PDXK: variants seen among roughly 807,000 people sequenced by gnomAD.
The protein encoded by PDXK is pyridoxal kinase, also known as epididymis secretory sperm binding protein Li 1a.
Under a neutral mutation model 43.2 loss-of-function variants are expected in PDXK, and 15 were observed. That is an observed-to-expected ratio of 0.35 (90% CI 0.23 to 0.53). The LOEUF is 0.53. Ranked by LOEUF, PDXK falls within the 20% of genes least tolerant of loss-of-function variation. PDXK has a pLI of 0.92. For missense variants in PDXK, 343 were observed against 417.0 expected (o/e 0.82, Z 1.54); for synonymous variants, 172 against 165.4 (o/e 1.04, Z -0.31).
intron 3 of PDXK, among the ~76,000 whole-genome samples, chr21:43,742,221 C>A (rs1214080921): frequency 6.6e-6 from 1 of 152,130 alleles, no homozygotes; most frequent in Admixed American, 6.5e-5. Flanking sequence ...ACTCTGTGGC[C>A]CAGGCTGTAG....
At position 43,723,817 on chromosome 21, in the gene PDXK, C is replaced by G. The variant is rs2083227742; in HGVS notation, c.87+4436C>G. The G allele has an allele frequency of 1.3e-5, 2 of 152,304 alleles. No individual in the cohort carries two copies. Among genetic ancestry groups the G allele is most frequent in the South Asian group, 2.1e-4 (1 of 4,838 alleles). 9.4% of individuals were successfully genotyped at this position (152,304 alleles called of 1,614,324 possible). ...GATATCCGTGTCCTTCATCTGTCAGCCTCTGGAGCCGCCGAGGCTGGGTGC... is the reference window on the plus strand; with the variant it reads ...GATATCCGTGTCCTTCATCTGTCAGGCTCTGGAGCCGCCGAGGCTGGGTGC... On this transcript the variant is annotated intron_variant, in intron 1 of 10. Coordinates refer to ENST00000291565, the MANE Select transcript of PDXK (RefSeq NM_003681.5). This position sits in a 1 kb window ranked among gnomAD's most constrained non-coding sequence, Gnocchi z 4.1.
At chr21:43,745,876 G>T in intron 4 of PDXK, 1 of 604,058 alleles carries the variant, frequency 1.7e-6, no homozygotes. Flanking sequence ...GCATGCCTGT[G>T]GTCTCAGCCA....
At chr21:43,726,222 TG>T (rs953280707) in intron 1 of PDXK, among the ~76,000 whole-genome samples, 6 of 152,012 alleles carry the variant, frequency 3.9e-5, no homozygotes, top group African/African-American at 1.4e-4. Flanking sequence ...TTGGCTGTCA[TG>T]GAGAAAAACA....
chr21:43,745,469 CA>C (rs2083622899), intron 4 of PDXK, among the ~76,000 whole-genome samples: 1 of 149,852 alleles, frequency 6.7e-6, no homozygotes, highest in Non-Finnish European at 1.5e-5. Context: ...GGGCCTAAGG[CA>C]GGGGGAGTGG....
chr21:43,733,579 C>T (rs1601794611), intron 1 of PDXK: 5 of 948,590 alleles, frequency 5.3e-6, no homozygotes, highest in Non-Finnish European at 6.4e-6. Flanking sequence ...GACTCTCACT[C>T]AGGCTTTTGA....
chr21:43,741,572 G>A lies in PDXK; in HGVS notation c.143-95G>A, dbSNP rs767876162. ...GTCCATGGGGAGGAGCCGTCCACCA[G>A]GCAGCCTCAGGGAGAGTGGGCGGGT... On this transcript the variant is annotated intron_variant, in intron 2 of 10. Transcript: ENST00000291565. 17 of 1,552,686 alleles carry A rather than the reference G, an allele frequency of 1.1e-5. 1 individual carries two copies. Among genetic ancestry groups the A allele is most frequent in the Middle Eastern group, 4.1e-4 (2 of 4,872 alleles).
Position 43,734,786 on chromosome 21 carries a change from C to G in PDXK, c.142+663C>G, listed in dbSNP as rs778131195. ...GGGGGTGGAGGTGCGTGGAGTCCCC[C>G]CTCCTCTCTGTGGTTTCTATACTGC... is the stretch of plus-strand genomic sequence containing the variant. On this transcript the variant is annotated intron_variant, in intron 2 of 10. Coordinates refer to ENST00000291565, the MANE Select transcript of PDXK (RefSeq NM_003681.5). The surrounding 1 kb of genome is among the most constrained non-coding windows in gnomAD (Gnocchi z 5.0). Among the ~76,000 whole-genome samples the G allele has an allele frequency of 6.6e-6, 1 of 152,112 alleles. No individual in the cohort carries two copies. Among genetic ancestry groups the G allele is most frequent in the Non-Finnish European group, 1.5e-5 (1 of 67,996 alleles).
rs79015423 is a variant in PDXK at position 43,759,114 on chromosome 21, C to T, written c.*3051C>T. 0.21 allele frequency: 31,609 copies of T among 152,198 alleles called. 3,636 individuals are homozygous for T. Among genetic ancestry groups the T allele is most frequent in the Non-Finnish European group, 0.26 (17,996 of 67,966 alleles). 9.4% of individuals were successfully genotyped at this position (152,198 alleles called of 1,614,324 possible). On this transcript the variant is annotated 3_prime_UTR_variant, in exon 11 of 11. Coordinates refer to ENST00000291565, the MANE Select transcript of PDXK (RefSeq NM_003681.5). ...GAGTTGCCTGCACCAGGTAAGAGGC[C>T]AAAGCCCCTGGGGTAACAGTCCCCA...
At chr21:43,750,302 C>T (rs1391309304) in intron 6 of PDXK, among the ~76,000 whole-genome samples, 198 bp from the exon 7 acceptor site, 1 of 152,270 alleles carries the variant, frequency 6.6e-6, no homozygotes, top group Non-Finnish European at 1.5e-5. Context: ...TACGTGACTC[C>T]TGTAATGTGA....
chr21:43,734,241 G>A lies in PDXK; in HGVS notation c.142+118G>A. On this transcript the variant is annotated intron_variant, in intron 2 of 10. Transcript: ENST00000291565. The surrounding 1 kb of genome is among the most constrained non-coding windows in gnomAD (Gnocchi z 5.0). ...GTGTGAGGGACGGGGCTTTCGTGTG[G>A]ACGGGGACCTGGAGTCCTGGGCGTC... The A allele has an allele frequency of 1.1e-6, 1 of 948,176 alleles. No individual in the cohort carries two copies. The highest frequency in any genetic ancestry group is 1.7e-6 in the Non-Finnish European group (1 of 594,500). The allele number at this position is 948,176 out of a possible 1,614,324, so 58.7% of individuals were successfully genotyped here.
intron 1 of PDXK, among the ~76,000 whole-genome samples, chr21:43,733,184 C>T (rs968764194): frequency 6.6e-6 from 1 of 151,886 alleles, no homozygotes; most frequent in South Asian, 2.1e-4. Context: ...CTCAACTCAT[C>T]ATCACAAAGC....
At chr21:43,736,447 C>G (rs2083403825) in intron 2 of PDXK, among the ~76,000 whole-genome samples, 1 of 152,178 alleles carries the variant, frequency 6.6e-6, no homozygotes, top group Non-Finnish European at 1.5e-5. Flanking sequence ...GACACTCGGG[C>G]CGTTTCCACT....
intron 1 of PDXK, chr21:43,719,861 C>T (rs2083192312): frequency 1.0e-6 from 1 of 985,318 alleles, no homozygotes; most frequent in Admixed American, 6.1e-5. Context: ...GGCCCCTGTG[C>T]GTGGGGAAGT....
intron 1 of PDXK, among the ~76,000 whole-genome samples, chr21:43,724,363 C>T (rs950870234): frequency 6.6e-6 from 1 of 152,154 alleles, no homozygotes; most frequent in African/African-American, 2.4e-5. Context: ...AGGGTCCCAC[C>T]TGCTTACTGG....
chr21:43,740,197 A>C (rs2083471256), intron 2 of PDXK, among the ~76,000 whole-genome samples: 1 of 152,030 alleles, frequency 6.6e-6, no homozygotes, highest in African/African-American at 2.4e-5. Flanking sequence ...TTTGCGCCAC[A>C]CGTCCTCCCG....
intron 7 of PDXK, 99 bp downstream of exon 7, chr21:43,750,644 C>A: frequency 1.1e-6 from 1 of 894,682 alleles, no homozygotes; most frequent in East Asian, 2.6e-5. Flanking sequence ...CATTTCTCCC[C>A]AGCAGTGACT....
chr21:43,733,948 C>G, intron 1 of PDXK, 121 bp from the exon 2 acceptor site: 1 of 939,056 alleles, frequency 1.1e-6, no homozygotes, highest in Middle Eastern at 2.2e-4. Flanking sequence ...CAGCCTGCAG[C>G]TGGGGGCCCC....
At chr21:43,755,818 G>A (rs987858197) in intron 10 of PDXK, 54 bp downstream of exon 10, 2 of 1,539,356 alleles carry the variant, frequency 1.3e-6, no homozygotes, top group Non-Finnish European at 1.8e-6. Flanking sequence ...CGAAGTGGGT[G>A]GGAGAGAAGA....
At chr21:43,746,636 C>T (rs1483842318) in intron 5 of PDXK, among the ~76,000 whole-genome samples, 1 of 152,058 alleles carries the variant, frequency 6.6e-6, no homozygotes, top group Non-Finnish European at 1.5e-5. Flanking sequence ...CCAGGCTGGT[C>T]TCGAACTCCT....
Sources: allele counts gnomAD v4.1 joint callset (sites outside exome capture counted in the v4.1 genomes callset), GRCh38; gene constraint gnomAD v4.1.1; non-coding constraint Gnocchi (gnomAD v3.1); transcripts MANE v1.5; gene names NCBI Gene and HGNC (gene_info 2026-07-23, HGNC 2026-07-21).